HNRNPA2B1: variants seen among roughly 807,000 people sequenced by gnomAD.
HNRNPA2B1 encodes the protein heterogeneous nuclear ribonucleoproteins A2/B1.
Under a neutral mutation model 46.3 loss-of-function variants are expected in HNRNPA2B1, and 3 were observed. That is an observed-to-expected ratio of 0.06 (90% CI 0.03 to 0.17). HNRNPA2B1 has a LOEUF of 0.17. Ranked by LOEUF, HNRNPA2B1 falls within the 10% of genes least tolerant of loss-of-function variation. The probability of loss-of-function intolerance (pLI) is 1.00; values close to 1 mark genes in which losing one functional copy is unlikely to be tolerated. For missense variants in HNRNPA2B1, 221 were observed against 418.9 expected (o/e 0.53, Z 4.12); for synonymous variants, 225 against 133.8 (o/e 1.68, Z -4.70).
chr7:26,199,284 A>G (rs1469784541), intron 1 of HNRNPA2B1: 1 of 152,520 alleles, frequency 6.6e-6, no homozygotes, highest in African/African-American at 2.4e-5. Context: ...AACCAGGTAG[A>G]CCCCCTTCGC....
chr7:26,198,020 T>C (rs978416405), intron 1 of HNRNPA2B1: 5 of 414,174 alleles, frequency 1.2e-5, no homozygotes, highest in South Asian at 6.3e-5. Context: ...TTATCTTAAA[T>C]TATTAATTAA....
chr7:26,197,217 A>C, intron 3 of HNRNPA2B1, 98 bp downstream of exon 3: 1 of 1,420,014 alleles, frequency 7.0e-7, no homozygotes, highest in Non-Finnish European at 9.6e-7. Context: ...TAATAAGAGA[A>C]AAAATCTTGA....
At chr7:26,195,113 A>G (rs991884158) in intron 7 of HNRNPA2B1, among the ~76,000 whole-genome samples, 2 of 140,892 alleles carry the variant, frequency 1.4e-5, no homozygotes, top group Non-Finnish European at 3.0e-5. Context: ...AAAAAAAAGA[A>G]ACCATATTAA....
intron 9 of HNRNPA2B1, among the ~76,000 whole-genome samples, 162 bp downstream of exon 9, chr7:26,193,089 A>ACTT (rs1488121168): frequency 6.6e-6 from 1 of 152,076 alleles, no homozygotes; most frequent in African/African-American, 2.4e-5. Flanking sequence ...CTTGCTGAGT[A>ACTT]CTTCTGTGGA....
At chr7:26,193,727 AAT>A (rs1227836801) in intron 7 of HNRNPA2B1, 33 bp from the exon 8 acceptor site, 2 of 1,564,968 alleles carry the variant, frequency 1.3e-6, no homozygotes, top group Admixed American at 3.5e-5. Flanking sequence ...GTAATCACTT[AAT>A]ATTTTCAATA....
In HNRNPA2B1 at chr7:26,192,196, G is replaced by C; in HGVS notation, c.*164C>G. The C allele has an allele frequency of 4.2e-6, 1 of 239,328 alleles. No homozygotes were observed. Among genetic ancestry groups the C allele is most frequent in the Non-Finnish European group, 8.2e-6 (1 of 122,542 alleles). The allele number at this position is 239,328 out of a possible 1,614,324, so 14.8% of individuals were successfully genotyped here. On this transcript the variant is annotated 3_prime_UTR_variant, in exon 11 of 11. Coordinates refer to ENST00000618183, the MANE Select transcript of HNRNPA2B1 (RefSeq NM_002137.4). ...CAATCCATTCACAAAATGGCTCTCT[G>C]CATCTGCTCTGGTGTCTTCTGCCAT... is the stretch of plus-strand genomic sequence containing the variant.
intron 9 of HNRNPA2B1, among the ~76,000 whole-genome samples, chr7:26,192,810 C>T (rs528826118): frequency 6.6e-6 from 1 of 152,288 alleles, no homozygotes; most frequent in Admixed American, 6.5e-5. Flanking sequence ...ACCCTCTCAT[C>T]CTCATTTGGA....
At position 26,194,697 on chromosome 7, in the gene HNRNPA2B1, A is replaced by AC. The variant is rs1170844812; in HGVS notation, c.722-1004_722-1003insG. Among the ~76,000 whole-genome samples the AC allele has an allele frequency of 2.6e-5, 4 of 151,856 alleles. No individual in the cohort carries two copies. The East Asian group carries it at 7.7e-4, about 29-fold the overall frequency. On this transcript the variant is annotated intron_variant, in intron 7 of 10. Transcript: ENST00000618183. ...AACAAAGCCAGACCCCATTTCAAAGAAAAAAAACAGACCCAACACTCCACA... is the reference window on the plus strand; with the variant it reads ...AACAAAGCCAGACCCCATTTCAAAGACAAAAAAACAGACCCAACACTCCACA...
intron 2 of HNRNPA2B1, 37 bp from the exon 3 acceptor site, chr7:26,197,498 CATT>C: frequency 6.2e-7 from 1 of 1,603,310 alleles, no homozygotes; most frequent in Non-Finnish European, 8.5e-7. Context: ...CATTTAATCT[CATT>C]ATAGCTTATA....
chr7:26,199,313 C>CA (rs1316221797), intron 1 of HNRNPA2B1: 3 of 152,534 alleles, frequency 2.0e-5, no homozygotes, highest in South Asian at 2.1e-4. Flanking sequence ...TTATGCTTAT[C>CA]AATGTAATGT....
chr7:26,200,724 CG>C lies in HNRNPA2B1; in HGVS notation c.-148del. On this transcript the variant is annotated 5_prime_UTR_variant, in exon 1 of 11. Coordinates refer to ENST00000618183, the MANE Select transcript of HNRNPA2B1 (RefSeq NM_002137.4). ...CAACTCTGCGAGGAGCACCTCCGCACGGGACCCGGCGCTGCTGCTACTGCCG... is the reference window on the plus strand; with the variant it reads ...CAACTCTGCGAGGAGCACCTCCGCACGGACCCGGCGCTGCTGCTACTGCCG... The C allele has an allele frequency of 1.0e-6, 1 of 982,794 alleles. No homozygotes were observed. Among genetic ancestry groups the C allele is most frequent in the Non-Finnish European group, 1.6e-6 (1 of 624,474 alleles). 60.9% of individuals were successfully genotyped at this position (982,794 alleles called of 1,614,324 possible).
At chr7:26,196,514 T>TA (rs1416743121) in intron 5 of HNRNPA2B1, 33 bp from the exon 6 acceptor site, 1 of 1,612,862 alleles carries the variant, frequency 6.2e-7, no homozygotes, top group East Asian at 2.2e-5. Context: ...AAGCAAGCCC[T>TA]TATATATGAA....
Position 26,196,960 on chromosome 7 carries a change from T to C in HNRNPA2B1, c.322A>G (p.Lys108Glu), listed in dbSNP as rs1442666925. Residue 108 changes from lysine to glutamate, a missense_variant, in exon 4 of 11, where the codon AAA (lysine) becomes GAA (glutamate). Around this residue, in one of 2 missense-constraint regions of HNRNPA2B1, gnomAD observed 78 missense variants for 218.5 expected, o/e 0.36. Coordinates refer to ENST00000618183, the MANE Select transcript of HNRNPA2B1 (RefSeq NM_002137.4). ...AGGTGATGTTCCTCAGTATCTTCTT[T>C]AATTCCGCCAACAAACAGCTTCTTC... is the stretch of plus-strand genomic sequence containing the variant. ...TVKKLFVGGI[K>E]EDTEEHHLRD... 6.2e-7 allele frequency: 1 copy of C among 1,613,902 alleles called. No homozygotes were observed. The highest frequency in any genetic ancestry group is 1.3e-5 in the African/African-American group (1 of 75,054).
intron 9 of HNRNPA2B1, among the ~76,000 whole-genome samples, chr7:26,192,996 C>G (rs973133337): frequency 1.3e-5 from 2 of 152,192 alleles, no homozygotes; most frequent in Non-Finnish European, 2.9e-5. Flanking sequence ...CTGTATTTAG[C>G]TGTTTATGAG....
chr7:26,193,397 G>A lies in HNRNPA2B1; in HGVS notation c.842-24C>T, dbSNP rs369481313. ...TCCTATTAAAAAATTGGAATACTCA[G>A]AACAATACAAACATTAAACCAAGGA... is the stretch of plus-strand genomic sequence containing the variant. On this transcript the variant is annotated intron_variant, in intron 8 of 10. Coordinates refer to ENST00000618183, the MANE Select transcript of HNRNPA2B1 (RefSeq NM_002137.4). 7 of 1,604,948 alleles carry A rather than the reference G, an allele frequency of 4.4e-6. No homozygotes were observed. The Middle Eastern group carries it at 5.0e-4, about 114-fold the overall frequency.
At position 26,190,435 on chromosome 7, in the gene HNRNPA2B1, T is replaced by A. The variant is rs1197204703; in HGVS notation, c.*1925A>T. The stretch of plus-strand genomic sequence containing the variant: ...GACTCTGTGGTTGACCACTTCTTCA[T>A]TAGTTACCTGCAGCAAGACACCTTC... On this transcript the variant is annotated 3_prime_UTR_variant, in exon 11 of 11. Transcript: ENST00000618183. 6.6e-6 allele frequency: 1 copy of A among 152,634 alleles called. No homozygotes were observed. Among genetic ancestry groups the A allele is most frequent in the African/African-American group, 2.4e-5 (1 of 41,462 alleles). The allele number at this position is 152,634 out of a possible 1,614,324, so 9.5% of individuals were successfully genotyped here.
At chr7:26,198,515 A>G (rs962282524) in intron 1 of HNRNPA2B1, 1 of 152,244 alleles carries the variant, frequency 6.6e-6, no homozygotes, top group African/African-American at 2.4e-5. Context: ...TATGTACAAT[A>G]AAATACATTC....
At chr7:26,198,090 A>G in intron 1 of HNRNPA2B1, 2 of 378,358 alleles carry the variant, frequency 5.3e-6, no homozygotes, top group East Asian at 4.0e-5. Context: ...AAGGATTATT[A>G]AAGAATCTTT....
intron 1 of HNRNPA2B1, chr7:26,198,165 T>C (rs544848533): frequency 3.8e-6 from 1 of 264,854 alleles, no homozygotes; most frequent in African/African-American, 2.2e-5. Flanking sequence ...AGAAAATAAC[T>C]CTTGGTTCAT....
Sources: allele counts gnomAD v4.1 joint callset (sites outside exome capture counted in the v4.1 genomes callset), GRCh38; gene constraint gnomAD v4.1.1; regional missense constraint gnomAD v4.1.1; transcripts MANE v1.5; gene names NCBI Gene and HGNC (gene_info 2026-07-23, HGNC 2026-07-21).